ZNF551: variants seen among roughly 807,000 people sequenced by gnomAD.
ZNF551 encodes the protein KOX 23 protein (56 AA).
ZNF551 carries 5 observed loss-of-function variants against 7.9 expected under a neutral mutation model. That is an observed-to-expected ratio of 0.63 (90% CI 0.33 to 1.33). ZNF551 has a LOEUF of 1.33. Among genes scored for constraint, ZNF551 ranks in the 40% most tolerant of loss-of-function variants. The pLI is 0.05. For missense variants in ZNF551, 788 were observed against 825.2 expected (o/e 0.95, Z 0.55); for synonymous variants, 287 against 277.3 (o/e 1.03, Z -0.35).
rs963209236 is a variant in ZNF551, at chr19:57,688,665, A to G, written c.*377A>G. 2.9e-4 allele frequency: 58 copies of G among 198,740 alleles called. No individual in the cohort carries two copies. The highest frequency in any genetic ancestry group is 5.9e-4 in the Non-Finnish European group (56 of 95,108). The allele number at this position is 198,740 out of a possible 1,614,324, so 12.3% of individuals were successfully genotyped here. A position where few individuals can be genotyped will look rare whatever the true frequency, so the allele number is the denominator to read the frequency against. On this transcript the variant is annotated 3_prime_UTR_variant, in exon 3 of 3. Coordinates refer to ENST00000282296, the MANE Select transcript of ZNF551 (RefSeq NM_138347.5). The stretch of plus-strand genomic sequence containing the variant: ...CTTCATGTCTTTTCTCTGACTTTAG[A>G]GTATACACCTGACCCAGTTGTGGTC...
At position 57,687,544 on chromosome 19, in the gene ZNF551, TTG is replaced by T. The variant is rs1984612115; in HGVS notation, c.1272_1273del (p.Cys424TrpfsTer5). 6.2e-7 allele frequency: 1 copy of T among 1,613,678 alleles called. No homozygotes were observed. The highest frequency in any genetic ancestry group is 1.1e-5 in the South Asian group (1 of 91,068). On this transcript the variant is annotated frameshift_variant, in exon 3 of 3. Transcript: ENST00000282296. LOFTEE classifies it low-confidence loss of function (END_TRUNC). ...GAGAAATGCCTTATCAGTGCAGTGA[TTG>T]TGGGAAATCTTTTAGCTGCAAATCG... ...TGEMPYQCSD[C>X]GKSFSCKSEL... is the part of the protein sequence containing the mutation.
Position 57,687,329 on chromosome 19 carries a change from G to A in ZNF551, c.1054G>A (p.Glu352Lys), listed in dbSNP as rs1273816802. ...CTTTAGCTACAAATCTAACCTCATT[G>A]AACACCAGAGAGTTCACACTGGAGA... Reference protein sequence around the residue: ...KTFSYKSNLIEHQRVHTGERP... With the variant: ...KTFSYKSNLIKHQRVHTGERP... The change falls in exon 3 of 3, where the codon GAA becomes AAA. Residue 352 changes from glutamate to lysine, a missense_variant. Physicochemically the swap from Glu to Lys is moderately conservative, Grantham distance 56. Coordinates refer to ENST00000282296, the MANE Select transcript of ZNF551 (RefSeq NM_138347.5). The A allele has an allele frequency of 1.2e-6, 2 of 1,614,108 alleles. No homozygotes were observed. The highest frequency in any genetic ancestry group is 1.7e-5 in the Admixed American group (1 of 60,024).
At position 57,685,556 on chromosome 19, in the gene ZNF551, C is replaced by T. The variant is rs946595498; in HGVS notation, c.205+171C>T. On this transcript the variant is annotated intron_variant, in intron 2 of 2. Coordinates refer to ENST00000282296, the MANE Select transcript of ZNF551 (RefSeq NM_138347.5). ...CTTGTGGCCCAGTTTCTGCCCTTTT[C>T]CTCTAGCTGCCATTTCCTTATGTCC... is the stretch of plus-strand genomic sequence containing the variant. 11 of 933,162 alleles carry T rather than the reference C, an allele frequency of 1.2e-5. No individual in the cohort carries two copies. The East Asian group carries it at 1.5e-4, about 12-fold the overall frequency. 57.8% of individuals were successfully genotyped at this position (933,162 alleles called of 1,614,324 possible).
Position 57,687,586 on chromosome 19 carries a change from C to A in ZNF551, c.1311C>A (p.His437Gln). 6.2e-7 allele frequency: 1 copy of A among 1,614,190 alleles called. No homozygotes were observed. Among genetic ancestry groups the A allele is most frequent in the Non-Finnish European group, 8.5e-7 (1 of 1,180,034 alleles). Residue 437 changes from histidine to glutamine, a missense_variant, in exon 3 of 3, where the codon CAC (histidine) becomes CAA (glutamine). His to Gln is a conservative substitution (Grantham distance 24). Coordinates refer to ENST00000282296, the MANE Select transcript of ZNF551 (RefSeq NM_138347.5). ...SFSCKSELIQ[H>Q]QRIHSGERPY... is the part of the protein sequence containing the mutation. ...GCTGCAAATCGGAACTCATTCAACA[C>A]CAGAGAATTCACAGTGGAGAAAGAC...
rs774139544 is a variant in ZNF551, at chr19:57,686,518, T to C, written c.243T>C (p.Ser81=). The C allele has an allele frequency of 6.2e-7, 1 of 1,613,598 alleles. No individual in the cohort carries two copies. The highest frequency in any genetic ancestry group is 1.3e-5 in the African/African-American group (1 of 74,914). The part of the protein sequence containing the change: ...CHGMENEAIA[S]EQSVSIQVRT... ...GAATGGAGAATGAGGCGATAGCTTC[T>C]GAGCAGAGTGTATCTATACAGGTCA... Residue 81 remains serine (S), a synonymous_variant, in exon 3 of 3, where the codon TCT becomes TCC. Coordinates refer to ENST00000282296, the MANE Select transcript of ZNF551 (RefSeq NM_138347.5).
rs149746581 is a variant in ZNF551 at position 57,682,084 on chromosome 19, T to G, written c.-80T>G. The G allele has an allele frequency of 4.3e-3, 6,285 of 1,453,716 alleles. 215 individuals carry two copies. In the African/African-American group the frequency reaches 0.075, roughly 17 times the overall value. 90.1% of individuals were successfully genotyped at this position (1,453,716 alleles called of 1,614,324 possible). A position where few individuals can be genotyped will look rare whatever the true frequency, so the allele number is the denominator to read the frequency against. ...GCGACTGAGGGACGGGACAGAGAAGTCGCGAAAGTGGGCCAGAGGTTCTGC... is the reference window on the plus strand; with the variant it reads ...GCGACTGAGGGACGGGACAGAGAAGGCGCGAAAGTGGGCCAGAGGTTCTGC... On this transcript the variant is annotated 5_prime_UTR_variant, in exon 1 of 3. Coordinates refer to ENST00000282296, the MANE Select transcript of ZNF551 (RefSeq NM_138347.5).
chr19:57,683,885 A>G lies in ZNF551; in HGVS notation c.82-1377A>G, dbSNP rs906692613. Among the ~76,000 whole-genome samples, 6 of 152,200 alleles carry G rather than the reference A, an allele frequency of 3.9e-5. No individual in the cohort carries two copies. In the East Asian group the frequency reaches 9.7e-4, roughly 24 times the overall value. The stretch of plus-strand genomic sequence containing the variant: ...GTATTCACCTCTCTGCAGACTGACC[A>G]GGGTTTTATATTAACTCTTGGTGGG... On this transcript the variant is annotated intron_variant, in intron 1 of 2. Transcript: ENST00000282296.
At position 57,687,368 on chromosome 19, in the gene ZNF551, T is replaced by A; in HGVS notation, c.1093T>A (p.Cys365Ser). The A allele has an allele frequency of 6.2e-7, 1 of 1,614,158 alleles. No homozygotes were observed. The highest frequency in any genetic ancestry group is 8.5e-7 in the Non-Finnish European group (1 of 1,180,022). Residue 365 changes from cysteine to serine, a missense_variant, in exon 3 of 3, where the codon TGT becomes AGT. Cys to Ser is a moderately radical substitution (Grantham distance 112, BLOSUM62 -1). Transcript: ENST00000282296. ...RVHTGERPYE[C>S]GECGKSFRQS... ...TCACACTGGAGAAAGGCCTTATGAA[T>A]GTGGCGAGTGCGGGAAATCCTTTAG...
Position 57,690,322 on chromosome 19 carries a change from T to G in ZNF551, c.*2034T>G, listed in dbSNP as rs1410415460. On this transcript the variant is annotated 3_prime_UTR_variant, in exon 3 of 3. Coordinates refer to ENST00000282296, the MANE Select transcript of ZNF551 (RefSeq NM_138347.5). ...CCCAGCTCTTCAGGTTCAACTGATT[T>G]CCTTTACAGTAAATTAGTTTGCATT... 1 of 152,138 alleles carries G rather than the reference T, an allele frequency of 6.6e-6. No individual in the cohort carries two copies. Among genetic ancestry groups the G allele is most frequent in the Non-Finnish European group, 1.5e-5 (1 of 68,042 alleles). 9.4% of individuals were successfully genotyped at this position (152,138 alleles called of 1,614,324 possible). A position where few individuals can be genotyped will look rare whatever the true frequency, so the allele number is the denominator to read the frequency against.
chr19:57,686,492 G>A lies in ZNF551; in HGVS notation c.217G>A (p.Gly73Arg), dbSNP rs1436161472. 7 of 1,603,022 alleles carry A rather than the reference G, an allele frequency of 4.4e-6. No homozygotes were observed. Among genetic ancestry groups the A allele is most frequent in the Non-Finnish European group, 6.0e-6 (7 of 1,170,786 alleles). ...TTCTCTGCTTTCAGGTTATTGCCAT[G>A]GAATGGAGAATGAGGCGATAGCTTC... is the stretch of plus-strand genomic sequence containing the variant. ...AHVTSLGYCH[G>R]MENEAIASEQ... Residue 73 changes from glycine to arginine, a missense_variant, in exon 3 of 3, where the codon GGA (glycine) becomes AGA (arginine). Gly to Arg is a moderately radical substitution (Grantham distance 125, BLOSUM62 -2). Coordinates refer to ENST00000282296, the MANE Select transcript of ZNF551 (RefSeq NM_138347.5).
In ZNF551 at chr19:57,689,403, G is replaced by C. The variant is rs1477666473; in HGVS notation, c.*1115G>C. The C allele has an allele frequency of 6.6e-6, 1 of 152,308 alleles. No individual in the cohort carries two copies. The highest frequency in any genetic ancestry group is 2.4e-5 in the African/African-American group (1 of 41,562). The allele number at this position is 152,308 out of a possible 1,614,324, so 9.4% of individuals were successfully genotyped here. A position where few individuals can be genotyped will look rare whatever the true frequency, so the allele number is the denominator to read the frequency against. On this transcript the variant is annotated 3_prime_UTR_variant, in exon 3 of 3. Coordinates refer to ENST00000282296, the MANE Select transcript of ZNF551 (RefSeq NM_138347.5). ...GGAGAAGACTGCAGTAAATTAGATG[G>C]AATGACTCTTCTAAAAGTTCATCTA...
Position 57,687,437 on chromosome 19 carries a change from G to T in ZNF551, c.1162G>T (p.Glu388Ter). 1 of 1,614,178 alleles carries T rather than the reference G, an allele frequency of 6.2e-7. No individual in the cohort carries two copies. Among genetic ancestry groups the T allele is most frequent in the East Asian group, 2.2e-5 (1 of 44,872 alleles). The change falls in exon 3 of 3, where the codon GAA becomes TAA. Residue 388 changes from glutamate to a stop codon, truncating the protein, a stop_gained. Coordinates refer to ENST00000282296, the MANE Select transcript of ZNF551 (RefSeq NM_138347.5). LOFTEE classifies it low-confidence loss of function (END_TRUNC). ...LFRHQRVHSG[E>*]RPYQCCECGK... is the part of the protein sequence containing the mutation. The stretch of plus-strand genomic sequence containing the variant: ...TCGACACCAGAGAGTTCACTCTGGA[G>T]AAAGGCCTTATCAGTGCTGTGAGTG...
Position 57,688,341 on chromosome 19 carries a change from C to T in ZNF551, c.*53C>T, listed in dbSNP as rs191126785. The stretch of plus-strand genomic sequence containing the variant: ...TTCAGTATAATAGCACTGGAGGAGA[C>T]TGTGGTAGCCATCTTCGTAAATTTA... On this transcript the variant is annotated 3_prime_UTR_variant, in exon 3 of 3. Transcript: ENST00000282296. 16 of 1,563,056 alleles carry T rather than the reference C, an allele frequency of 1.0e-5. No homozygotes were observed. The highest frequency in any genetic ancestry group is 1.3e-5 in the Non-Finnish European group (15 of 1,154,276).
In ZNF551 at chr19:57,685,422, T is replaced by C; in HGVS notation, c.205+37T>C. 3 of 1,613,648 alleles carry C rather than the reference T, an allele frequency of 1.9e-6. 1 individual carries two copies. On this transcript the variant is annotated intron_variant, in intron 2 of 2. Transcript: ENST00000282296. ...GCATCCCTCCGAGTGTCTGCTTTTC[T>C]TTTTGACCCCAGAGTTACCTCTGTC...
intron 1 of ZNF551, among the ~76,000 whole-genome samples, chr19:57,684,299 C>T (rs1229830837): frequency 6.6e-6 from 1 of 152,164 alleles, no homozygotes; most frequent in African/African-American, 2.4e-5. Flanking sequence ...CAAGGAGATG[C>T]TCATGGTATG....
Position 57,687,528 on chromosome 19 carries a change from C to G in ZNF551, c.1253C>G (p.Pro418Arg). Residue 418 changes from proline to arginine, a missense_variant, in exon 3 of 3, where the codon CCT (proline) becomes CGT (arginine). Coordinates refer to ENST00000282296, the MANE Select transcript of ZNF551 (RefSeq NM_138347.5). The stretch of plus-strand genomic sequence containing the variant: ...AGAAGAGTTCACACTGGAGAAATGC[C>G]TTATCAGTGCAGTGATTGTGGGAAA... ...RHRRVHTGEM[P>R]YQCSDCGKSF... The G allele has an allele frequency of 6.2e-7, 1 of 1,614,206 alleles. No homozygotes were observed. The highest frequency in any genetic ancestry group is 1.7e-5 in the Admixed American group (1 of 60,032).
chr19:57,682,969 T>C (rs1984437844), intron 1 of ZNF551, among the ~76,000 whole-genome samples: 1 of 152,208 alleles, frequency 6.6e-6, no homozygotes, highest in Admixed American at 6.5e-5. Context: ...GAGGCTAAGA[T>C]AGTTCAGGAA....
intron 1 of ZNF551, among the ~76,000 whole-genome samples, chr19:57,682,540 T>A (rs2122325082): frequency 6.6e-6 from 1 of 152,242 alleles, no homozygotes; most frequent in African/African-American, 2.4e-5. Context: ...AATTTGACGA[T>A]TCTGAGGACA....
chr19:57,688,155 A>C lies in ZNF551; in HGVS notation c.1880A>C (p.Lys627Thr), dbSNP rs772825688. The change falls in exon 3 of 3, where the codon AAA (lysine) becomes ACA (threonine). Residue 627 changes from lysine to threonine, a missense_variant. Lys to Thr is a moderately conservative substitution (Grantham distance 78). Transcript: ENST00000282296. The part of the protein sequence containing the change: ...CSQCGKPFTH[K>T]SDLIQHQRVH... ...CAATGTGGGAAACCCTTTACCCACA[A>C]ATCAGACCTTATTCAGCACCAAAGA... The C allele has an allele frequency of 6.2e-7, 1 of 1,613,502 alleles. No individual in the cohort carries two copies. The highest frequency in any genetic ancestry group is 8.5e-7 in the Non-Finnish European group (1 of 1,179,864).
Sources: allele counts gnomAD v4.1 joint callset (sites outside exome capture counted in the v4.1 genomes callset), GRCh38; gene constraint gnomAD v4.1.1; transcripts MANE v1.5; gene names NCBI Gene and HGNC (gene_info 2026-07-23, HGNC 2026-07-21).